NDRG2: variants seen among roughly 807,000 people sequenced by gnomAD.
NDRG2 encodes the protein protein NDRG2.
In NDRG2, 34 loss-of-function variants were observed where a neutral mutation model predicts 58.2. The ratio of observed to expected loss-of-function variants is 0.58; its 90% CI spans 0.44 to 0.78. The LOEUF (loss-of-function observed/expected upper bound fraction) is 0.78, where lower values mean the gene tolerates loss of function less well. Ranked by LOEUF, NDRG2 falls within the 30% of genes least tolerant of loss-of-function variation. The pLI is 0.00. For missense variants in NDRG2, 434 were observed against 471.2 expected (o/e 0.92, Z 0.73); for synonymous variants, 187 against 175.9 (o/e 1.06, Z -0.50).
chr14:21,019,212 CAGA>C, intron 10 of NDRG2, 52 bp from the exon 11 acceptor site: 1 of 1,452,668 alleles, frequency 6.9e-7, no homozygotes, highest in Non-Finnish European at 9.5e-7. Flanking sequence ...GCTATCTAAC[CAGA>C]TATAAGCTAT....
chr14:21,033,667 A>C, intron 1 of NDRG2: 1 of 651,554 alleles, frequency 1.5e-6, no homozygotes, highest in East Asian at 2.7e-5. Context: ...ATGGTGATCA[A>C]AGCCCTGGAC....
At chr14:21,030,673 C>T (rs1254283984), upstream of NDRG2, 3 of 1,614,016 alleles carry the variant, frequency 1.9e-6, no homozygotes, top group African/African-American at 2.7e-5. Context: ...AAGAACTTCT[C>T]CAAGCTGTGC....
intron 1 of NDRG2, chr14:21,043,791 G>A (rs757949730): frequency 1.3e-4 from 34 of 255,688 alleles, no homozygotes; most frequent in Non-Finnish European, 2.4e-4. Flanking sequence ...ATGGAAAGGG[G>A]GCATATGGGA....
At chr14:21,034,202 G>C in intron 1 of NDRG2, 1 of 1,614,052 alleles carries the variant, frequency 6.2e-7, no homozygotes, top group Non-Finnish European at 8.5e-7. Context: ...AGAAGTTCCT[G>C]CTGCCAATCT....
At chr14:21,025,111 C>T (rs1566478094), upstream of NDRG2, 13 of 983,738 alleles carry the variant, frequency 1.3e-5, no homozygotes, top group Non-Finnish European at 1.6e-5. This position sits in a 1 kb window ranked among gnomAD's most constrained non-coding sequence, Gnocchi z 5.1. Flanking sequence ...GACCCGCCCC[C>T]GGCCCGCCCC....
Position 21,023,163 on chromosome 14 carries a change from C to A in NDRG2, c.75+78G>T, listed in dbSNP as rs1243450. On this transcript the variant is annotated intron_variant, in intron 2 of 15. Transcript: ENST00000556147. ...GGTGTGAGTTAGAATAAGATCAGTA[C>A]GCTTGGGAAGTTAGAAGGCAAGGGG... 3 of 1,223,940 alleles carry A rather than the reference C, an allele frequency of 2.5e-6. No homozygotes were observed. The African/African-American group carries it at 4.4e-5, about 18-fold the overall frequency. The allele number at this position is 1,223,940 out of a possible 1,614,324, so 75.8% of individuals were successfully genotyped here. A position where few individuals can be genotyped will look rare whatever the true frequency, so the allele number is the denominator to read the frequency against.
In NDRG2 at chr14:21,019,792, A is replaced by C. The variant is rs1879060970; in HGVS notation, c.613-50T>G. The C allele has an allele frequency of 4.6e-6, 7 of 1,523,034 alleles. No individual in the cohort carries two copies. The East Asian group carries it at 1.6e-4, about 34-fold the overall frequency. 94.3% of individuals were successfully genotyped at this position (1,523,034 alleles called of 1,614,324 possible). On this transcript the variant is annotated intron_variant, in intron 9 of 15. Coordinates refer to ENST00000556147, the MANE Select transcript of NDRG2 (RefSeq NM_001320329.2). ...ATTAGGGATGGAAAGAGAAAACAAC[A>C]ATTACTGGAGGAAAAGAGGTAAGCC...
At chr14:21,033,898 TG>T (rs1202539119) in intron 1 of NDRG2, 1 of 1,614,042 alleles carries the variant, frequency 6.2e-7, no homozygotes, top group South Asian at 1.1e-5. Context: ...AGCTTCTGGT[TG>T]GTTAGGGTGC....
At position 21,031,192 on chromosome 14, in the gene NDRG2, C is replaced by T. The variant is rs759170153; in HGVS notation, c.25-7871G>A. 5 of 1,607,080 alleles carry T rather than the reference C, an allele frequency of 3.1e-6. No homozygotes were observed. The South Asian group carries it at 4.5e-5, about 14-fold the overall frequency. On this transcript the variant is annotated intron_variant, in intron 1 of 14. Transcript: ENST00000403829. ...TGAGTGACAGCCTTCATCCCCTTGA[C>T]CCTACTTCCCTAAATCCCCATTGTT...
In NDRG2 at chr14:21,019,164, G is replaced by A. The variant is rs201448261; in HGVS notation, c.717-4C>T. Reference sequence around the variant, plus strand: ...CTCAAAGTTCAGGTCTCGGCGGCTAGAAAGGGGTTAAAAGAGTAGGAATTT... The same window carrying A: ...CTCAAAGTTCAGGTCTCGGCGGCTAAAAAGGGGTTAAAAGAGTAGGAATTT... On this transcript the variant is annotated splice_region_variant and splice_polypyrimidine_tract_variant and intron_variant, in intron 10 of 15. Transcript: ENST00000556147. 6 of 1,611,676 alleles carry A rather than the reference G, an allele frequency of 3.7e-6. No individual in the cohort carries two copies. Among genetic ancestry groups the A allele is most frequent in the East Asian group, 2.2e-5 (1 of 44,828 alleles).
At chr14:21,043,796 A>G (rs1885023317) in intron 1 of NDRG2, 2 of 248,370 alleles carry the variant, frequency 8.1e-6, no homozygotes, top group Non-Finnish European at 1.7e-5. Flanking sequence ...AAGGGGGCAT[A>G]TGGGATTTGT....
chr14:21,063,984 G>A (rs563600375), intron 1 of NDRG2, among the ~76,000 whole-genome samples: 6 of 152,050 alleles, frequency 3.9e-5, no homozygotes, highest in Admixed American at 1.3e-4. Flanking sequence ...ATGCCCTACC[G>A]CTTTGAGCCA....
chr14:21,043,066 C>T, intron 1 of NDRG2: 1 of 1,614,198 alleles, frequency 6.2e-7, no homozygotes, highest in South Asian at 1.1e-5. Context: ...GCAGAGATCC[C>T]AGTCAGTGCC....
intron 1 of NDRG2, among the ~76,000 whole-genome samples, chr14:21,037,605 G>T (rs1434434452): frequency 6.6e-6 from 1 of 152,192 alleles, no homozygotes; most frequent in Non-Finnish European, 1.5e-5. Context: ...GAATTATCCA[G>T]ACCAAGATGT....
rs561749003 is a variant in NDRG2, at chr14:21,035,053, C to CA, written c.25-11733dup. Among the ~76,000 whole-genome samples, 315 of 152,328 alleles carry CA rather than the reference C, an allele frequency of 2.1e-3. 1 individual carries two copies. Among genetic ancestry groups the CA allele is most frequent in the Non-Finnish European group, 3.8e-3 (260 of 68,024 alleles). ...CAAAGTGCTTCTTATTCCTGACCCTCAGAGAACAGAGCATTCGCCACTTTG... is the reference window on the plus strand; with the variant it reads ...CAAAGTGCTTCTTATTCCTGACCCTCAAGAGAACAGAGCATTCGCCACTTTG... On this transcript the variant is annotated intron_variant, in intron 1 of 14. Coordinates refer to the NDRG2 transcript ENST00000403829.
chr14:21,038,296 T>C (rs1317044993), intron 1 of NDRG2, among the ~76,000 whole-genome samples: 1 of 152,234 alleles, frequency 6.6e-6, no homozygotes. Flanking sequence ...GGCATTATGC[T>C]ATATACTGTG....
At chr14:21,020,061 C>A in intron 8 of NDRG2, 85 bp from the exon 9 acceptor site, 1 of 1,277,038 alleles carries the variant, frequency 7.8e-7, no homozygotes, top group Non-Finnish European at 1.1e-6. Context: ...TTTGGGAGGC[C>A]GAGGCGGGTG....
chr14:21,045,163 CT>C (rs1477431529), intron 1 of NDRG2, among the ~76,000 whole-genome samples: 1 of 152,192 alleles, frequency 6.6e-6, no homozygotes, highest in Non-Finnish European at 1.5e-5. Context: ...GAGAGACTTC[CT>C]TCTGCCAGAG....
At position 21,064,957 on chromosome 14, in the gene NDRG2, G is replaced by A. The variant is rs891085930; in HGVS notation, c.24+5871C>T. ...AGGCAGAGGCAGGCAGATCACCTGA[G>A]ATCAGGAGTTCGAGACCAGCCTGAG... On this transcript the variant is annotated intron_variant, in intron 1 of 14. Coordinates refer to the NDRG2 transcript ENST00000403829. Among the ~76,000 whole-genome samples, 8 of 152,136 alleles carry A rather than the reference G, an allele frequency of 5.3e-5. No individual in the cohort carries two copies. In the South Asian group the frequency reaches 1.7e-3, roughly 32 times the overall value.
Sources: gnomAD v4.1 joint callset for allele counts (sites outside exome capture counted in the v4.1 genomes callset) on GRCh38, gnomAD v4.1.1 for gene constraint, Gnocchi (gnomAD v3.1) non-coding constraint, MANE v1.5 for transcripts, NCBI Gene and HGNC (gene_info 2026-07-23, HGNC 2026-07-21) for gene names.